PLEKHA1: variants seen among roughly 807,000 people sequenced by gnomAD.
The protein encoded by PLEKHA1 is pleckstrin homology domain-containing family A member 1.
A neutral mutation model predicts 52.0 loss-of-function variants in PLEKHA1; 34 were observed. The observed-to-expected ratio is 0.65, with a 90% CI of 0.50 to 0.87. The LOEUF (loss-of-function observed/expected upper bound fraction) is 0.87. PLEKHA1 is among the 40% of genes least tolerant of loss of function. The pLI is 0.00. For synonymous variants in PLEKHA1, 163 were observed against 170.7 expected (o/e 0.95, Z 0.35); for missense variants, 497 against 504.2 (o/e 0.99, Z 0.14).
rs1279439565 is a variant in PLEKHA1 at position 122,384,185 on chromosome 10, TTTCCC to T, written c.-20-8993_-20-8989del. Among the ~76,000 whole-genome samples the T allele has an allele frequency of 1.6e-4, 24 of 152,348 alleles. No individual in the cohort carries two copies. In the East Asian group the frequency reaches 4.4e-3, roughly 28 times the overall value. On this transcript the variant is annotated intron_variant, in intron 1 of 11. Coordinates refer to ENST00000368990, the MANE Select transcript of PLEKHA1 (RefSeq NM_001001974.4). Reference sequence around the variant, plus strand: ...ATTTTTCTATTGAACGTTTGATATATTTCCCTTAACATTTTTTGCAAGCTCTTTAA... The same window carrying T: ...ATTTTTCTATTGAACGTTTGATATATTTAACATTTTTTGCAAGCTCTTTAA...
chr10:122,414,470 A>G (rs1004659606), intron 6 of PLEKHA1, among the ~76,000 whole-genome samples: 2 of 152,130 alleles, frequency 1.3e-5, no homozygotes, highest in Non-Finnish European at 2.9e-5. Flanking sequence ...AAAATAAAAA[A>G]TACTTGCTCT....
intron 2 of PLEKHA1, among the ~76,000 whole-genome samples, chr10:122,394,742 T>C (rs1038091359): frequency 2.0e-5 from 3 of 152,214 alleles, no homozygotes; most frequent in Admixed American, 2.0e-4. Flanking sequence ...ATATGAGCCA[T>C]TGCACAGTTC....
Position 122,429,971 on chromosome 10 carries a change from C to G in PLEKHA1, c.*33C>G. 1 of 1,568,774 alleles carries G rather than the reference C, an allele frequency of 6.4e-7. No homozygotes were observed. The highest frequency in any genetic ancestry group is 8.6e-7 in the Non-Finnish European group (1 of 1,159,634). On this transcript the variant is annotated 3_prime_UTR_variant, in exon 12 of 12. Transcript: ENST00000368990. ...GCGCACGGAGCCTGCCTGCCTCTGCCGTCCTCAGTTTCCTTTCATGAGGCT... is the reference window on the plus strand; with the variant it reads ...GCGCACGGAGCCTGCCTGCCTCTGCGGTCCTCAGTTTCCTTTCATGAGGCT...
chr10:122,410,550 A>C (rs1010948844), intron 5 of PLEKHA1, among the ~76,000 whole-genome samples: 1 of 152,172 alleles, frequency 6.6e-6, no homozygotes, highest in African/African-American at 2.4e-5. Flanking sequence ...ATCCATGTTC[A>C]TGGGTATTTT....
intron 11 of PLEKHA1, chr10:122,428,306 T>C: frequency 1.3e-6 from 2 of 1,546,202 alleles, no homozygotes; most frequent in Non-Finnish European, 1.7e-6. Flanking sequence ...GTCGAACCCT[T>C]GTATACAGAG....
intron 6 of PLEKHA1, 95 bp downstream of exon 6, chr10:122,413,140 G>T: frequency 1.9e-6 from 2 of 1,051,358 alleles, no homozygotes; most frequent in East Asian, 2.8e-5. Flanking sequence ...TGCTTAATTG[G>T]TATAATATAC....
intron 3 of PLEKHA1, among the ~76,000 whole-genome samples, chr10:122,399,182 A>C (rs2096892498): frequency 6.6e-6 from 1 of 152,154 alleles, no homozygotes; most frequent in African/African-American, 2.4e-5. Context: ...TTGTTCCAAA[A>C]ATTTATTTCT....
At chr10:122,422,920 C>T (rs934407918) in intron 8 of PLEKHA1, 219 of 152,200 alleles carry the variant, frequency 1.4e-3, no homozygotes, top group African/African-American at 5.1e-3. Context: ...TATATATATA[C>T]ATATACTCTG....
intron 5 of PLEKHA1, 47 bp from the exon 6 acceptor site, chr10:122,412,873 A>G (rs763759138): frequency 4.3e-5 from 69 of 1,598,794 alleles, no homozygotes; most frequent in Non-Finnish European, 5.6e-5. Flanking sequence ...ACAGGTTCAC[A>G]TGTATAATGC....
At chr10:122,437,723 G>A in the PLEKHA1 span, 1 of 152,274 alleles carries the variant, frequency 6.6e-6, no homozygotes, top group Non-Finnish European at 1.5e-5. Context: ...GCCAAGTGAA[G>A]AAAATGAAGT....
At chr10:122,383,749 A>G (rs1328064146) in intron 1 of PLEKHA1, among the ~76,000 whole-genome samples, 4 of 152,180 alleles carry the variant, frequency 2.6e-5, no homozygotes, top group South Asian at 2.1e-4. Flanking sequence ...TCATCAGACA[A>G]TATTCAAATT....
chr10:122,424,172 T>TTTC (rs67033465), intron 8 of PLEKHA1, 27 bp from the exon 9 acceptor site: 26,795 of 542,070 alleles, frequency 0.049, 171 homozygotes, highest in African/African-American at 0.12. Context: ...CATGTAACTG[T>TTTC]TTTTTTTTTT....
At chr10:122,442,094 A>G in the PLEKHA1 span, 4 of 152,148 alleles carry the variant, frequency 2.6e-5, no homozygotes, top group South Asian at 2.1e-4. Flanking sequence ...TCAAACACCC[A>G]TAGCTTCCCT....
chr10:122,383,199 A>G (rs2096638710), intron 1 of PLEKHA1, among the ~76,000 whole-genome samples: 1 of 152,178 alleles, frequency 6.6e-6, no homozygotes, highest in Non-Finnish European at 1.5e-5. Flanking sequence ...CCCAGCAACT[A>G]CCAACCCTGC....
intron 4 of PLEKHA1, among the ~76,000 whole-genome samples, chr10:122,402,703 A>G (rs2096947495): frequency 6.6e-6 from 1 of 152,192 alleles, no homozygotes; most frequent in Admixed American, 6.5e-5. Context: ...CCTACCTCCA[A>G]TCGGGCAGAC....
intron 1 of PLEKHA1, among the ~76,000 whole-genome samples, chr10:122,375,749 A>G (rs1167462677): frequency 6.6e-6 from 1 of 152,204 alleles, no homozygotes; most frequent in East Asian, 1.9e-4. Context: ...GGGGCAGTAC[A>G]AGAAGAGGTT....
At chr10:122,399,922 C>T (rs1327478803) in intron 3 of PLEKHA1, among the ~76,000 whole-genome samples, 1 of 152,130 alleles carries the variant, frequency 6.6e-6, no homozygotes, top group Non-Finnish European at 1.5e-5. Context: ...CTCCTCTTTA[C>T]CCAGCCCCAT....
intron 2 of PLEKHA1, among the ~76,000 whole-genome samples, chr10:122,394,957 C>T (rs1464586623): frequency 6.6e-6 from 1 of 152,156 alleles, no homozygotes; most frequent in Non-Finnish European, 1.5e-5. Context: ...ATATTTATTA[C>T]CCTGAATAAA....
At chr10:122,408,142 C>T (rs945435865) in intron 5 of PLEKHA1, among the ~76,000 whole-genome samples, 4 of 152,120 alleles carry the variant, frequency 2.6e-5, no homozygotes, top group Non-Finnish European at 5.9e-5. Flanking sequence ...AATAAATATT[C>T]CCTGCTTGAA....
Sources: allele counts gnomAD v4.1 joint callset (sites outside exome capture counted in the v4.1 genomes callset), GRCh38; gene constraint gnomAD v4.1.1; transcripts MANE v1.5; gene names NCBI Gene and HGNC (gene_info 2026-07-23, HGNC 2026-07-21).